NDUFAF5: variants seen among roughly 807,000 people sequenced by gnomAD.
NDUFAF5 encodes arginine-hydroxylase NDUFAF5, mitochondrial.
NDUFAF5 carries 34 observed loss-of-function variants against 48.9 expected under a neutral mutation model. That is an observed-to-expected ratio of 0.70 (90% CI 0.53 to 0.93). The LOEUF is 0.93. Among genes scored for constraint, NDUFAF5 ranks in the 40% least tolerant of loss-of-function variants. The pLI, the probability that NDUFAF5 is intolerant of heterozygous loss-of-function variation, is 0.00. For synonymous variants in NDUFAF5, 153 were observed against 150.6 expected, an observed-to-expected ratio of 1.02 and a Z score of -0.12; for missense variants, 428 against 427.5, an observed-to-expected ratio of 1.00 and a Z score of -0.01.
In NDUFAF5 at chr20:13,801,543, A is replaced by T; in HGVS notation, c.577A>T (p.Thr193Ser). ...TATCGGTGCAATGTTTGGAGGCGACACACTCTATGAACTTCGGTGTTCCTT... is the reference window on the plus strand; with the variant it reads ...TATCGGTGCAATGTTTGGAGGCGACTCACTCTATGAACTTCGGTGTTCCTT... ...VFIGAMFGGD[T>S]LYELRCSLQL... The change falls in exon 7 of 11, where the codon ACA becomes TCA. Residue 193 changes from threonine (T) to serine (S), a missense_variant. Thr to Ser is a moderately conservative substitution (Grantham distance 58). Coordinates refer to ENST00000378106, the MANE Select transcript of NDUFAF5 (RefSeq NM_024120.5). 1 of 1,614,088 alleles carries T rather than the reference A, an allele frequency of 6.2e-7. No homozygotes were observed. The highest frequency in any genetic ancestry group is 8.5e-7 in the Non-Finnish European group (1 of 1,179,984).
chr20:13,802,512 T>G (rs920501431), intron 7 of NDUFAF5, among the ~76,000 whole-genome samples: 8 of 151,836 alleles, frequency 5.3e-5, no homozygotes, highest in African/African-American at 1.9e-4. Context: ...CTACTAAAAA[T>G]ACAAAAAATC....
At chr20:13,799,739 C>T (rs1015799485) in intron 6 of NDUFAF5, among the ~76,000 whole-genome samples, 2 of 150,350 alleles carry the variant, frequency 1.3e-5, no homozygotes, top group Admixed American at 6.6e-5. Context: ...TGGAGCAGTT[C>T]GTTAAATTGA....
At chr20:13,808,113 T>A (rs1985338462) in intron 7 of NDUFAF5, among the ~76,000 whole-genome samples, 1 of 152,202 alleles carries the variant, frequency 6.6e-6, no homozygotes, top group African/African-American at 2.4e-5. Flanking sequence ...AATCTGGCCC[T>A]GTGTTCTATA....
Position 13,808,920 on chromosome 20 carries a change from AT to A in NDUFAF5, c.778+23del. ...TTTACAAGGTAAGGCACTTTAAAGA[AT>A]TTTTAGACTCCATTGGGAAAGGTAG... On this transcript the variant is annotated intron_variant, in intron 8 of 10. Coordinates refer to ENST00000378106, the MANE Select transcript of NDUFAF5 (RefSeq NM_024120.5). The A allele has an allele frequency of 1.3e-6, 2 of 1,546,744 alleles. No homozygotes were observed. Among genetic ancestry groups the A allele is most frequent in the African/African-American group, 1.4e-5 (1 of 73,610 alleles).
rs1568786761 is a variant in NDUFAF5 at position 13,816,466 on chromosome 20, T to G, written c.782T>G (p.Met261Arg). The part of the protein sequence containing the change: ...MFELMEDLQG[M>R]GESNCAWNRK... ...ACTACCTGTAGTGTATTTGTAGGTA[T>G]GGGTGAGAGTAACTGTGCTTGGAAT... The change falls in exon 9 of 11, where the codon ATG becomes AGG. Residue 261 changes from methionine to arginine, a missense_variant. By Grantham distance (91) the Met-to-Arg change is moderately conservative. Coordinates refer to ENST00000378106, the MANE Select transcript of NDUFAF5 (RefSeq NM_024120.5). 1 of 1,612,372 alleles carries G rather than the reference T, an allele frequency of 6.2e-7. No homozygotes were observed. The highest frequency in any genetic ancestry group is 1.7e-5 in the Admixed American group (1 of 60,008).
At position 13,819,111 on chromosome 20, in the gene NDUFAF5, T is replaced by A. The variant is rs1159204630; in HGVS notation, c.*1901T>A. The A allele has an allele frequency of 6.6e-6, 1 of 152,230 alleles. No homozygotes were observed. The highest frequency in any genetic ancestry group is 2.4e-5 in the African/African-American group (1 of 41,474). 9.4% of individuals were successfully genotyped at this position (152,230 alleles called of 1,614,324 possible). A position where few individuals can be genotyped will look rare whatever the true frequency, so the allele number is the denominator to read the frequency against. ...ATGTGAGTGATTGTAGTGAAAACAC[T>A]TATTTTAGTGTGTATAACACTAGTG... On this transcript the variant is annotated 3_prime_UTR_variant, in exon 11 of 11. Transcript: ENST00000378106.
chr20:13,804,964 A>G (rs939878866), intron 7 of NDUFAF5, among the ~76,000 whole-genome samples: 27 of 152,360 alleles, frequency 1.8e-4, no homozygotes, highest in African/African-American at 6.5e-4. Context: ...ATATAACTAA[A>G]AATAGATTAG....
intron 7 of NDUFAF5, among the ~76,000 whole-genome samples, chr20:13,804,487 AC>A (rs1175641918): frequency 6.6e-6 from 1 of 152,042 alleles, no homozygotes; most frequent in Non-Finnish European, 1.5e-5. Flanking sequence ...CATTTCTGAA[AC>A]TTTTTTTATT....
At chr20:13,788,772 A>G (rs967109821) in intron 3 of NDUFAF5, 120 bp downstream of exon 3, 6 of 682,900 alleles carry the variant, frequency 8.8e-6, no homozygotes, top group Admixed American at 2.8e-5. Context: ...CAGAATTGTT[A>G]ATTTGTTTTT....
rs2147647129 is a variant in NDUFAF5, at chr20:13,821,067, T to C, written c.*3857T>C. 1 of 152,320 alleles carries C rather than the reference T, an allele frequency of 6.6e-6. No individual in the cohort carries two copies. The highest frequency in any genetic ancestry group is 1.9e-4 in the East Asian group (1 of 5,190). The allele number at this position is 152,320 out of a possible 1,614,324, so 9.4% of individuals were successfully genotyped here. On this transcript the variant is annotated 3_prime_UTR_variant, in exon 11 of 11. Transcript: ENST00000378106. ...GGTTTAAAAAACATCAATTTGAAAA[T>C]ACTAGAAGGTGGGGTGAACACTGAT... is the stretch of plus-strand genomic sequence containing the variant.
intron 7 of NDUFAF5, among the ~76,000 whole-genome samples, chr20:13,802,651 CAA>C (rs1387791647): frequency 2.0e-5 from 2 of 99,004 alleles, no homozygotes; most frequent in Non-Finnish European, 3.7e-5. Flanking sequence ...GCCTGGGCAA[CAA>C]GAGTGAAATT....
intron 8 of NDUFAF5, among the ~76,000 whole-genome samples, chr20:13,815,763 G>A (rs1029151672): frequency 2.0e-5 from 3 of 152,130 alleles, no homozygotes; most frequent in African/African-American, 4.8e-5. Flanking sequence ...CTTAAAATAT[G>A]CTCAAAGTAA....
chr20:13,808,237 C>T lies in NDUFAF5; in HGVS notation c.718-605C>T, dbSNP rs1985359735. On this transcript the variant is annotated intron_variant, in intron 7 of 10. Coordinates refer to ENST00000378106, the MANE Select transcript of NDUFAF5 (RefSeq NM_024120.5). ...TTTGAGATTGGGAAGTGTCAAGGAG[C>T]ACCTGGATATTTGGGGAGCATCAGT... Among the ~76,000 whole-genome samples the T allele has an allele frequency of 2.0e-5, 3 of 152,134 alleles. No homozygotes were observed. In the South Asian group the frequency reaches 6.2e-4, roughly 32 times the overall value.
intron 5 of NDUFAF5, among the ~76,000 whole-genome samples, chr20:13,795,440 C>G (rs1226421436): frequency 6.6e-6 from 1 of 152,102 alleles, no homozygotes; most frequent in Admixed American, 6.5e-5. Context: ...ACTCCTGCTC[C>G]CAACAATCAT....
chr20:13,813,918 G>A (rs1013538724), intron 8 of NDUFAF5, among the ~76,000 whole-genome samples: 5 of 152,150 alleles, frequency 3.3e-5, no homozygotes, highest in African/African-American at 4.8e-5. Context: ...TTTCAGATTA[G>A]CGTTGTAATG....
chr20:13,806,000 C>T (rs1333481752), intron 7 of NDUFAF5, among the ~76,000 whole-genome samples: 1 of 152,120 alleles, frequency 6.6e-6, no homozygotes, highest in Admixed American at 6.5e-5. Flanking sequence ...TTTGTATAAT[C>T]AGCTATACAG....
At chr20:13,795,962 G>T (rs1031358814) in intron 5 of NDUFAF5, among the ~76,000 whole-genome samples, 2 of 152,208 alleles carry the variant, frequency 1.3e-5, no homozygotes, top group African/African-American at 4.8e-5. Flanking sequence ...AAGGCACTGA[G>T]CCAGATTTTT....
Position 13,816,956 on chromosome 20 carries a change from A to G in NDUFAF5, c.944A>G (p.Gln315Arg). Residue 315 changes from glutamine to arginine, a missense_variant and splice_region_variant, in exon 10 of 11, where the codon CAG becomes CGG. By Grantham distance (43) the Gln-to-Arg change is conservative. Coordinates refer to ENST00000378106, the MANE Select transcript of NDUFAF5 (RefSeq NM_024120.5). ...YMIGWKYHESQARPAERGSAT... is the reference protein window; with the variant it reads ...YMIGWKYHESRARPAERGSAT... ...ATAGGATGGAAATATCATGAGTCAC[A>G]GGTAACGTTACTAAGATGGATCACT... The G allele has an allele frequency of 1.2e-6, 2 of 1,602,266 alleles. No homozygotes were observed. The highest frequency in any genetic ancestry group is 1.7e-6 in the Non-Finnish European group (2 of 1,169,208).
chr20:13,819,014 C>G lies in NDUFAF5; in HGVS notation c.*1804C>G, dbSNP rs977935149. Reference sequence around the variant, plus strand: ...TAAGGATTACTCTACTCTGGCTATCCCAAAAAAAGCTCCATTTGTTTAAAA... The same window carrying G: ...TAAGGATTACTCTACTCTGGCTATCGCAAAAAAAGCTCCATTTGTTTAAAA... On this transcript the variant is annotated 3_prime_UTR_variant, in exon 11 of 11. Coordinates refer to ENST00000378106, the MANE Select transcript of NDUFAF5 (RefSeq NM_024120.5). The G allele has an allele frequency of 2.0e-5, 3 of 151,834 alleles. No homozygotes were observed. Among genetic ancestry groups the G allele is most frequent in the Non-Finnish European group, 4.4e-5 (3 of 67,990 alleles). 9.4% of individuals were successfully genotyped at this position (151,834 alleles called of 1,614,324 possible). A position where few individuals can be genotyped will look rare whatever the true frequency, so the allele number is the denominator to read the frequency against.
Sources: gnomAD v4.1 joint callset for allele counts (sites outside exome capture counted in the v4.1 genomes callset) on GRCh38, gnomAD v4.1.1 for gene constraint, MANE v1.5 for transcripts, NCBI Gene and HGNC (gene_info 2026-07-23, HGNC 2026-07-21) for gene names.